Variants in PCDHGA6 observed in about 807,000 individuals in gnomAD.
The protein encoded by PCDHGA6 is protocadherin gamma-A6.
PCDHGA6 carries 41 observed loss-of-function variants against 60.6 expected under a neutral mutation model. That is an observed-to-expected ratio of 0.68 (90% CI 0.53 to 0.88). PCDHGA6 has a LOEUF of 0.88. Ranked by LOEUF, PCDHGA6 falls within the 40% of genes least tolerant of loss-of-function variation. PCDHGA6 has a pLI of 0.00. For synonymous variants in PCDHGA6, 594 were observed against 524.4 expected (o/e 1.13, Z -1.81); for missense variants, 1,312 against 1,203.0 (o/e 1.09, Z -1.34).
Position 141,476,708 on chromosome 5 carries a change from T to C in PCDHGA6, c.2425-18099T>C, listed in dbSNP as rs1205987380. The C allele has an allele frequency of 1.2e-6, 2 of 1,614,150 alleles. No homozygotes were observed. The highest frequency in any genetic ancestry group is 8.5e-7 in the Non-Finnish European group (1 of 1,180,024). ...CAGCACCAAGTACGCGGAGCTGGTG[T>C]TGGAGCGCGCCCTGGACCGAGAACG... On this transcript the variant is annotated intron_variant, in intron 1 of 3. Coordinates refer to ENST00000517434, the MANE Select transcript of PCDHGA6 (RefSeq NM_018919.3). The surrounding 1 kb of genome is among the most constrained non-coding windows in gnomAD (Gnocchi z 7.6).
At chr5:141,415,482 G>A in intron 1 of PCDHGA6, 1 of 1,614,218 alleles carries the variant, frequency 6.2e-7, no homozygotes, top group Non-Finnish European at 8.5e-7. Flanking sequence ...ACTCGCGAAA[G>A]AGTCACCTGA....
chr5:141,506,815 A>G (rs2099856451), intron 3 of PCDHGA6, among the ~76,000 whole-genome samples: 1 of 152,214 alleles, frequency 6.6e-6, no homozygotes, highest in African/African-American at 2.4e-5. Flanking sequence ...GCATTGCCCT[A>G]TATCATGAAC....
At chr5:141,448,924 G>A (rs1244728418) in intron 1 of PCDHGA6, among the ~76,000 whole-genome samples, 1 of 152,116 alleles carries the variant, frequency 6.6e-6, no homozygotes, top group East Asian at 1.9e-4. Flanking sequence ...CAGCCTGGGC[G>A]ACAGAGCAAG....
intron 1 of PCDHGA6, chr5:141,393,536 T>G: frequency 6.2e-7 from 1 of 1,613,934 alleles, no homozygotes; most frequent in South Asian, 1.1e-5. Flanking sequence ...ATGCCCCGGT[T>G]TTTCCTCACC....
Position 141,491,900 on chromosome 5 carries a change from G to C in PCDHGA6, c.2425-2907G>C. ...TAAGGGATGGGGCTCCGAGCACCGG[G>C]GGTGGTGGCGACTGTGGGCGAGGGG... On this transcript the variant is annotated intron_variant, in intron 1 of 3. Transcript: ENST00000517434. This position sits in a 1 kb window ranked among gnomAD's most constrained non-coding sequence, Gnocchi z 6.9. 1 of 1,429,936 alleles carries C rather than the reference G, an allele frequency of 7.0e-7. No homozygotes were observed. Among genetic ancestry groups the C allele is most frequent in the South Asian group, 1.5e-5 (1 of 67,072 alleles). 88.6% of individuals were successfully genotyped at this position (1,429,936 alleles called of 1,614,324 possible). A position where few individuals can be genotyped will look rare whatever the true frequency, so the allele number is the denominator to read the frequency against.
At chr5:141,447,182 C>G (rs1205769161) in intron 1 of PCDHGA6, among the ~76,000 whole-genome samples, 1 of 152,126 alleles carries the variant, frequency 6.6e-6, no homozygotes, top group Non-Finnish European at 1.5e-5. Flanking sequence ...TCTTGTCGCG[C>G]AGGCTGGAGT....
At chr5:141,404,205 A>G in intron 1 of PCDHGA6, 3 of 1,613,770 alleles carry the variant, frequency 1.9e-6, no homozygotes, top group Non-Finnish European at 1.7e-6. Context: ...GCCTCAGAAT[A>G]TAATATCACG....
chr5:141,454,356 T>G (rs1461475653), intron 1 of PCDHGA6, among the ~76,000 whole-genome samples: 1 of 152,224 alleles, frequency 6.6e-6, no homozygotes, highest in East Asian at 1.9e-4. Context: ...TGATCCAAAC[T>G]TAGAAAGGAG....
chr5:141,414,868 G>C, intron 1 of PCDHGA6: 1 of 1,614,216 alleles, frequency 6.2e-7, no homozygotes, highest in Non-Finnish European at 8.5e-7. Flanking sequence ...CAATGCGCCC[G>C]AGATCCTGTA....
intron 1 of PCDHGA6, among the ~76,000 whole-genome samples, chr5:141,467,288 A>G (rs1322298174): frequency 6.6e-6 from 1 of 152,084 alleles, no homozygotes; most frequent in Non-Finnish European, 1.5e-5. Context: ...CTTGACCTCA[A>G]GTGATCCACT....
chr5:141,493,937 A>G lies in PCDHGA6; in HGVS notation c.2425-870A>G, dbSNP rs931274307. Among the ~76,000 whole-genome samples the G allele has an allele frequency of 6.6e-6, 1 of 152,212 alleles. No individual in the cohort carries two copies. The highest frequency in any genetic ancestry group is 1.5e-5 in the Non-Finnish European group (1 of 68,022). ...GGATAACACACCCCCTGGAAAGACCAGAAGGGACTCAGGAATGAAGTGGCT... is the reference window on the plus strand; with the variant it reads ...GGATAACACACCCCCTGGAAAGACCGGAAGGGACTCAGGAATGAAGTGGCT... On this transcript the variant is annotated intron_variant, in intron 1 of 3. Coordinates refer to ENST00000517434, the MANE Select transcript of PCDHGA6 (RefSeq NM_018919.3). This position sits in a 1 kb window ranked among gnomAD's most constrained non-coding sequence, Gnocchi z 4.3.
intron 1 of PCDHGA6, chr5:141,403,339 C>T (rs2094393588): frequency 1.2e-6 from 2 of 1,613,892 alleles, no homozygotes; most frequent in Admixed American, 1.7e-5. Context: ...TTAACGACAG[C>T]GCCCCAAAGT....
In PCDHGA6 at chr5:141,489,844, C is replaced by G. The variant is rs1004902910; in HGVS notation, c.2425-4963C>G. Reference sequence around the variant, plus strand: ...GCTGGTGCTAGAGCAGCAGCTGGATCGTGAAGCCCAGGCAAGACATCAGCT... The same window carrying G: ...GCTGGTGCTAGAGCAGCAGCTGGATGGTGAAGCCCAGGCAAGACATCAGCT... On this transcript the variant is annotated intron_variant, in intron 1 of 3. Coordinates refer to ENST00000517434, the MANE Select transcript of PCDHGA6 (RefSeq NM_018919.3). The surrounding 1 kb of genome is among the most constrained non-coding windows in gnomAD (Gnocchi z 4.5). The G allele has an allele frequency of 1.2e-6, 2 of 1,614,030 alleles. No individual in the cohort carries two copies. Among genetic ancestry groups the G allele is most frequent in the Non-Finnish European group, 8.5e-7 (1 of 1,179,990 alleles).
At chr5:141,488,834 G>A (rs976460724) in intron 1 of PCDHGA6, among the ~76,000 whole-genome samples, 1 of 152,160 alleles carries the variant, frequency 6.6e-6, no homozygotes, top group Admixed American at 6.5e-5. Context: ...GCTGCCAAGG[G>A]GGCTGAATCA....
chr5:141,412,050 A>G (rs1465943762), intron 1 of PCDHGA6: 1 of 152,222 alleles, frequency 6.6e-6, no homozygotes, highest in African/African-American at 2.4e-5. Flanking sequence ...GTGAACTTCT[A>G]TACCCTTTGC....
intron 1 of PCDHGA6, chr5:141,389,352 AT>A (rs1561624660): frequency 6.2e-7 from 1 of 1,613,628 alleles, no homozygotes; most frequent in African/African-American, 1.3e-5. Context: ...TTACTGCATC[AT>A]GGCCAGTGAC....
intron 1 of PCDHGA6, chr5:141,395,105 G>T: frequency 1.9e-6 from 3 of 1,614,220 alleles, no homozygotes; most frequent in Non-Finnish European, 2.5e-6. Context: ...CCGACTCGCG[G>T]AAGAGTCACC....
At chr5:141,403,831 G>T (rs1207086715) in intron 1 of PCDHGA6, 1 of 1,613,760 alleles carries the variant, frequency 6.2e-7, no homozygotes. Context: ...TGCTATTCCA[G>T]CTTAATGAAA....
At position 141,431,510 on chromosome 5, in the gene PCDHGA6, G is replaced by T; in HGVS notation, c.2424+55003G>T. On this transcript the variant is annotated intron_variant, in intron 1 of 3. Transcript: ENST00000517434. The surrounding 1 kb of genome is among the most constrained non-coding windows in gnomAD (Gnocchi z 4.8). ...TGCTCAGCCCGAGTACCGCGCGAGC[G>T]TTCCGGAGAATCTGGCCTTGGGCAC... 1 of 1,614,022 alleles carries T rather than the reference G, an allele frequency of 6.2e-7. No individual in the cohort carries two copies. Among genetic ancestry groups the T allele is most frequent in the Non-Finnish European group, 8.5e-7 (1 of 1,180,026 alleles).
Sources: gnomAD v4.1 joint callset for allele counts (sites outside exome capture counted in the v4.1 genomes callset) on GRCh38, gnomAD v4.1.1 for gene constraint, Gnocchi (gnomAD v3.1) non-coding constraint, MANE v1.5 for transcripts, NCBI Gene and HGNC (gene_info 2026-07-23, HGNC 2026-07-21) for gene names.